The following ANK3 variants were observed in gnomAD, a reference collection of about 807,000 sequenced individuals.
ANK3 encodes the protein ankyrin 3.
Under a neutral mutation model 370.9 loss-of-function variants are expected in ANK3, and 57 were observed. That is an observed-to-expected ratio of 0.15 (90% CI 0.12 to 0.19). ANK3 has a LOEUF of 0.19. Among genes scored for constraint, ANK3 ranks in the 10% least tolerant of loss-of-function variants. ANK3 has a pLI of 1.00. For synonymous variants in ANK3, 1,929 were observed against 1,946.3 expected (o/e 0.99, Z 0.23); for missense variants, 4,439 against 5,302.1 (o/e 0.84, Z 5.06).
At chr10:60,413,466 G>A (rs762429921) in intron 2 of ANK3, among the ~76,000 whole-genome samples, 1 of 152,168 alleles carries the variant, frequency 6.6e-6, no homozygotes, top group East Asian at 1.9e-4. Flanking sequence ...TAGTTATTGA[G>A]TAACTTCTCT....
At chr10:60,245,198 A>G (rs532231364) in intron 7 of ANK3, among the ~76,000 whole-genome samples, 102 of 152,294 alleles carry the variant, frequency 6.7e-4, no homozygotes, top group African/African-American at 2.4e-3. Context: ...AAAACCAGTC[A>G]TATAGGTTTT....
intron 1 of ANK3, among the ~76,000 whole-genome samples, chr10:60,366,184 A>G (rs182629479): frequency 3.5e-4 from 53 of 152,132 alleles, no homozygotes; most frequent in African/African-American, 1.3e-3. Flanking sequence ...CTAAAAATAC[A>G]AAAATTAGCC....
At chr10:60,444,444 G>GTGTGTATATA (rs386361850) in intron 2 of ANK3, among the ~76,000 whole-genome samples, 4 of 148,784 alleles carry the variant, frequency 2.7e-5, no homozygotes, top group African/African-American at 9.9e-5. Context: ...GTGTGTGTGT[G>GTGTGTATATA]TATATATATA....
intron 2 of ANK3, among the ~76,000 whole-genome samples, chr10:60,537,049 C>T (rs1210212660): frequency 6.6e-6 from 1 of 151,872 alleles, no homozygotes; most frequent in Non-Finnish European, 1.5e-5. Flanking sequence ...TGACATTCAG[C>T]TTCAAGAAAA....
intron 1 of ANK3, among the ~76,000 whole-genome samples, chr10:60,307,807 A>G (rs559296508): frequency 7.2e-5 from 11 of 152,314 alleles, no homozygotes; most frequent in African/African-American, 2.6e-4. Context: ...TAATAATTTA[A>G]AGCATTAATA....
chr10:60,478,904 G>A (rs551336605), intron 2 of ANK3, among the ~76,000 whole-genome samples: 1 of 152,130 alleles, frequency 6.6e-6, no homozygotes, highest in South Asian at 2.1e-4. Flanking sequence ...GGTAGCTAAT[G>A]AAAAGTATAT....
intron 23 of ANK3, among the ~76,000 whole-genome samples, chr10:60,141,861 G>A (rs2094585395): frequency 6.6e-6 from 1 of 152,038 alleles, no homozygotes. Flanking sequence ...ACTCTGATCA[G>A]CCTGGCTGTA....
intron 1 of ANK3, among the ~76,000 whole-genome samples, chr10:60,652,807 G>A (rs764578349): frequency 6.6e-5 from 10 of 151,726 alleles, no homozygotes; most frequent in Non-Finnish European, 1.2e-4. Flanking sequence ...GATAAAGAAC[G>A]AAACCAATAT....
chr10:60,448,009 C>T (rs892378869), intron 2 of ANK3, among the ~76,000 whole-genome samples: 30 of 152,126 alleles, frequency 2.0e-4, no homozygotes, highest in African/African-American at 7.0e-4. Context: ...AGATAGGCTC[C>T]CCCTGCCAGA....
At chr10:60,498,494 T>C (rs1312511015) in intron 2 of ANK3, among the ~76,000 whole-genome samples, 4 of 152,106 alleles carry the variant, frequency 2.6e-5, no homozygotes, top group African/African-American at 9.7e-5. Context: ...GCCAAAGCAA[T>C]CCTCCTGTCT....
At chr10:60,438,866 G>C (rs1258466319) in intron 2 of ANK3, among the ~76,000 whole-genome samples, 1 of 152,162 alleles carries the variant, frequency 6.6e-6, no homozygotes, top group African/African-American at 2.4e-5. Flanking sequence ...AGGGAGAAAA[G>C]CAGGAAGAAA....
intron 8 of ANK3, among the ~76,000 whole-genome samples, chr10:60,232,669 G>A (rs1284091566): frequency 6.6e-6 from 1 of 151,982 alleles, no homozygotes; most frequent in Non-Finnish European, 1.5e-5. Flanking sequence ...TGGTTTCCAG[G>A]TTCAATGGTA....
At chr10:60,501,705 CAA>C (rs376934079) in intron 2 of ANK3, among the ~76,000 whole-genome samples, 111 of 79,796 alleles carry the variant, frequency 1.4e-3, no homozygotes, top group African/African-American at 4.3e-3. Flanking sequence ...GACTCTGTCT[CAA>C]AAAAAAAAAA....
intron 2 of ANK3, among the ~76,000 whole-genome samples, chr10:60,569,568 G>A (rs1355625360): frequency 6.6e-6 from 1 of 152,236 alleles, no homozygotes; most frequent in South Asian, 2.1e-4. Flanking sequence ...ATTAGAAAAA[G>A]CATTTCCTAA....
chr10:60,231,146 C>G (rs936795634), intron 8 of ANK3, among the ~76,000 whole-genome samples: 2 of 152,180 alleles, frequency 1.3e-5, no homozygotes, highest in African/African-American at 4.8e-5. Flanking sequence ...GCTAGTCACA[C>G]TTAAGATTAC....
At chr10:60,234,872 T>A in intron 7 of ANK3, 86 bp from the exon 8 acceptor site, 1 of 771,984 alleles carries the variant, frequency 1.3e-6, no homozygotes, top group Non-Finnish European at 2.2e-6. Flanking sequence ...CATATCCCCA[T>A]TTCCCCCTCT....
At chr10:60,566,481 G>A (rs2077464748) in intron 2 of ANK3, among the ~76,000 whole-genome samples, 1 of 152,178 alleles carries the variant, frequency 6.6e-6, no homozygotes, top group South Asian at 2.1e-4. Flanking sequence ...GTTTTTGAAG[G>A]AAATTAATGT....
chr10:60,165,837 A>G (rs1343548270), intron 23 of ANK3, among the ~76,000 whole-genome samples: 1 of 152,190 alleles, frequency 6.6e-6, no homozygotes, highest in East Asian at 1.9e-4. Flanking sequence ...AAAAACAGTT[A>G]AATATAATTT....
At chr10:60,415,919 CCCCA>C (rs1447735993) in intron 2 of ANK3, among the ~76,000 whole-genome samples, 4 of 105,330 alleles carry the variant, frequency 3.8e-5, no homozygotes, top group African/African-American at 1.5e-4. Flanking sequence ...AATTTGTGCC[CCCCA>C]CCCCCCCGCC....
Sources: gnomAD v4.1 joint callset for allele counts (sites outside exome capture counted in the v4.1 genomes callset) on GRCh38, gnomAD v4.1.1 for gene constraint, MANE v1.5 for transcripts, NCBI Gene and HGNC (gene_info 2026-07-23, HGNC 2026-07-21) for gene names.